TSPAN7: variants seen among roughly 807,000 people sequenced by gnomAD.
TSPAN7 encodes tetraspanin 7, also known as tetraspanin-7.
In TSPAN7, 1 loss-of-function variant was observed where a neutral mutation model predicts 17.6. That is an observed-to-expected ratio of 0.06 (90% confidence interval 0.02 to 0.27). The LOEUF is 0.27. Ranked by LOEUF, TSPAN7 falls within the 10% of genes least tolerant of loss-of-function variation. The pLI is 1.00. For missense variants in TSPAN7, 112 were observed against 201.7 expected, an observed-to-expected ratio of 0.56 and a Z score of 2.69; for synonymous variants, 78 against 79.0, an observed-to-expected ratio of 0.99 and a Z score of 0.07.
At chrX:38,632,874 G>A (rs904764054) in intron 1 of TSPAN7, among the ~76,000 whole-genome samples, 8 of 111,973 alleles carry the variant, frequency 7.1e-5, no homozygotes, top group Non-Finnish European at 1.5e-4. Context: ...AATTGGAGGA[G>A]GATATTTAAC....
At chrX:38,646,139 C>A in intron 1 of TSPAN7, 1 of 595,041 alleles carries the variant, frequency 1.7e-6, no homozygotes, top group Non-Finnish European at 2.3e-6. Context: ...AGTTGGTGTA[C>A]TTTCTATAAA....
chrX:38,577,347 C>T (rs1365275708), intron 1 of TSPAN7, among the ~76,000 whole-genome samples: 1 of 111,126 alleles, frequency 9.0e-6, no homozygotes, highest in African/African-American at 3.3e-5. Flanking sequence ...TCCTCACCCT[C>T]CCCACCATCT....
chrX:38,593,451 A>G (rs1292255574), intron 1 of TSPAN7, among the ~76,000 whole-genome samples: 1 of 111,649 alleles, frequency 9.0e-6, no homozygotes, highest in Non-Finnish European at 1.9e-5. Flanking sequence ...AGCAACAGCT[A>G]GGAAATATAC....
At chrX:38,608,867 A>G (rs772507678) in intron 1 of TSPAN7, among the ~76,000 whole-genome samples, 2 of 111,907 alleles carry the variant, frequency 1.8e-5, no homozygotes, top group Non-Finnish European at 3.8e-5. Context: ...TGATAACATT[A>G]TCGCAGATAT....
chrX:38,687,950 T>C lies in TSPAN7; in HGVS notation c.*19T>C. The C allele has an allele frequency of 3.8e-6, 1 of 262,316 alleles. No homozygotes were observed. Among genetic ancestry groups the C allele is most frequent in the Non-Finnish European group, 6.7e-6 (1 of 148,151 alleles). 21.6% of individuals were successfully genotyped at this position (262,316 alleles called of 1,213,427 possible). On this transcript the variant is annotated 3_prime_UTR_variant, in exon 8 of 8. Transcript: ENST00000378482. The stretch of plus-strand genomic sequence containing the variant: ...CATTTCTCTCTTAGTCTTTCAAGAA[T>C]GACGGAATAAGAGACCTGTTTTAAA...
chrX:38,647,239 G>C (rs1035724917), intron 1 of TSPAN7, among the ~76,000 whole-genome samples: 2 of 112,212 alleles, frequency 1.8e-5, no homozygotes, highest in Non-Finnish European at 3.8e-5. Flanking sequence ...TAGAACACAT[G>C]CAGTTAATAC....
rs150470028 is a variant in TSPAN7 at position 38,579,849 on chromosome X, A to C, written c.81+18222A>C. 9.6e-3 allele frequency among the ~76,000 whole-genome samples: 1,068 copies of C among 111,269 alleles called. 10 individuals are homozygous for C. Among genetic ancestry groups the C allele is most frequent in the African/African-American group, 0.033 (1,019 of 30,606 alleles). On this transcript the variant is annotated intron_variant, in intron 1 of 7. Coordinates refer to ENST00000378482, the MANE Select transcript of TSPAN7 (RefSeq NM_004615.4). The stretch of plus-strand genomic sequence containing the variant: ...TATTCAGTTTTTAAAGAAATATGAA[A>C]AATTTACAGTTGATGCCCCTACATC...
chrX:38,613,588 G>A (rs935670327), intron 1 of TSPAN7, among the ~76,000 whole-genome samples: 12 of 111,516 alleles, frequency 1.1e-4, no homozygotes, highest in African/African-American at 3.9e-4. Flanking sequence ...CCCTAGAGAA[G>A]CCTTCAAGTC....
At chrX:38,662,099 G>T (rs1186296363) in intron 1 of TSPAN7, among the ~76,000 whole-genome samples, 1 of 111,388 alleles carries the variant, frequency 9.0e-6, no homozygotes, top group African/African-American at 3.3e-5. Flanking sequence ...TTGTAGGTGA[G>T]TTTTTTCCTT....
intron 1 of TSPAN7, among the ~76,000 whole-genome samples, chrX:38,640,569 G>A (rs2069606682): frequency 8.9e-6 from 1 of 112,250 alleles, no homozygotes; most frequent in South Asian, 3.7e-4. Context: ...ATGAGAGAGA[G>A]ACTTTCAGTG....
At chrX:38,667,644 T>C (rs185842816) in intron 2 of TSPAN7, among the ~76,000 whole-genome samples, 1 of 112,019 alleles carries the variant, frequency 8.9e-6, no homozygotes, top group African/African-American at 3.2e-5. Flanking sequence ...CTGCAGACCA[T>C]ACAGGAGGCT....
chrX:38,621,281 A>C (rs1043172799), intron 1 of TSPAN7, among the ~76,000 whole-genome samples: 2 of 111,929 alleles, frequency 1.8e-5, no homozygotes, highest in Non-Finnish European at 3.8e-5. Context: ...ATTTACCTTC[A>C]CTTGACACAG....
intron 1 of TSPAN7, among the ~76,000 whole-genome samples, chrX:38,634,880 G>A (rs1038772420): frequency 1.8e-5 from 2 of 110,327 alleles, no homozygotes; most frequent in Non-Finnish European, 3.8e-5. Flanking sequence ...AACTACTGCC[G>A]CTCATGTGCA....
intron 3 of TSPAN7, 38 bp downstream of exon 3, chrX:38,671,488 G>A (rs768249231): frequency 1.7e-6 from 2 of 1,152,359 alleles, no homozygotes; most frequent in Non-Finnish European, 2.4e-6. Context: ...GTTAAGGGGT[G>A]TTTGGGAGGA....
intron 1 of TSPAN7, among the ~76,000 whole-genome samples, chrX:38,578,391 T>G (rs770595420): frequency 9.1e-4 from 102 of 111,798 alleles, no homozygotes; most frequent in African/African-American, 3.3e-3. Flanking sequence ...AAGAGCAAGT[T>G]ACTTATTAAT....
At chrX:38,629,455 C>T (rs764571847) in intron 1 of TSPAN7, among the ~76,000 whole-genome samples, 15 of 112,319 alleles carry the variant, frequency 1.3e-4, no homozygotes, top group East Asian at 2.8e-4. Context: ...TGGAAGAAAA[C>T]GTGTTGAGAA....
At chrX:38,661,100 C>A (rs1029903457) in intron 1 of TSPAN7, among the ~76,000 whole-genome samples, 1 of 111,779 alleles carries the variant, frequency 8.9e-6, no homozygotes, top group African/African-American at 3.3e-5. Flanking sequence ...TGGCACCTCT[C>A]TGAAGATCAG....
At chrX:38,640,252 C>A (rs1002590412) in intron 1 of TSPAN7, among the ~76,000 whole-genome samples, 1 of 111,609 alleles carries the variant, frequency 9.0e-6, no homozygotes, top group African/African-American at 3.3e-5. Context: ...ATTTCTTTAG[C>A]CCCTTCTCTG....
At chrX:38,662,982 C>A (rs142775047) in intron 1 of TSPAN7, among the ~76,000 whole-genome samples, 7 of 110,317 alleles carry the variant, frequency 6.3e-5, no homozygotes, top group Admixed American at 4.8e-4. Flanking sequence ...TTTGTTTGCA[C>A]CCACTGGCAA....
Sources: allele counts gnomAD v4.1 joint callset (sites outside exome capture counted in the v4.1 genomes callset), GRCh38; gene constraint gnomAD v4.1.1; transcripts MANE v1.5; gene names NCBI Gene and HGNC (gene_info 2026-07-23, HGNC 2026-07-21).